The following LMX1B variants were observed in gnomAD, a reference collection of about 807,000 sequenced individuals.
LMX1B encodes LIM homeobox transcription factor 1-beta.
A neutral mutation model predicts 51.4 loss-of-function variants in LMX1B; 12 were observed. The observed-to-expected ratio is 0.23, with a 90% CI of 0.15 to 0.38. LMX1B has a LOEUF of 0.38. Ranked by LOEUF, LMX1B falls within the 10% of genes least tolerant of loss-of-function variation. LMX1B has a pLI of 1.00. For synonymous variants in LMX1B, 237 were observed against 235.4 expected (o/e 1.01, Z -0.06); for missense variants, 445 against 571.1 (o/e 0.78, Z 2.25).
At chr9:126,690,786 T>C in intron 2 of LMX1B, 50 bp from the exon 3 acceptor site, 1 of 1,518,768 alleles carries the variant, frequency 6.6e-7, no homozygotes, top group Non-Finnish European at 8.9e-7. Flanking sequence ...GAGTGGCCTC[T>C]GGGAGGGACT....
chr9:126,636,654 T>TCAA, intron 2 of LMX1B, among the ~76,000 whole-genome samples: 3 of 151,910 alleles, frequency 2.0e-5, no homozygotes, highest in Admixed American at 2.0e-4. Context: ...TGTTCAAGTG[T>TCAA]GTGCACCCTA....
chr9:126,695,827 C>A lies in LMX1B; in HGVS notation c.887-12C>A. ...GACCAGGCCAGGGGGTGAAGGCTCA[C>A]TGTGCCCCCAGAGGTCCTGTCCAGC... On this transcript the variant is annotated splice_polypyrimidine_tract_variant and intron_variant, in intron 6 of 7. Transcript: ENST00000373474. This position sits in a 1 kb window ranked among gnomAD's most constrained non-coding sequence, Gnocchi z 5.2. 1 of 1,612,290 alleles carries A rather than the reference C, an allele frequency of 6.2e-7. No individual in the cohort carries two copies. The highest frequency in any genetic ancestry group is 1.7e-5 in the Admixed American group (1 of 59,940).
Position 126,625,417 on chromosome 9 carries a change from C to G in LMX1B, c.326+9848C>G, listed in dbSNP as rs1041511832. ...CGAGAGCACGGGTCCTGCTCTGTCC[C>G]CTCTTCCCAGGAAAGGTGGCACTCC... On this transcript the variant is annotated intron_variant, in intron 2 of 7. Transcript: ENST00000373474. This position sits in a 1 kb window ranked among gnomAD's most constrained non-coding sequence, Gnocchi z 5.3. Among the ~76,000 whole-genome samples the G allele has an allele frequency of 1.1e-4, 16 of 152,216 alleles. No homozygotes were observed. The highest frequency in any genetic ancestry group is 3.9e-4 in the African/African-American group (16 of 41,458).
At chr9:126,624,608 C>T (rs1024869959) in intron 2 of LMX1B, among the ~76,000 whole-genome samples, 2 of 152,084 alleles carry the variant, frequency 1.3e-5, no homozygotes, top group Non-Finnish European at 2.9e-5. Flanking sequence ...CCGACCCCAG[C>T]CCCCTCCCTC....
At chr9:126,665,603 G>T (rs1228018341) in intron 2 of LMX1B, among the ~76,000 whole-genome samples, 1 of 152,218 alleles carries the variant, frequency 6.6e-6, no homozygotes, top group African/African-American at 2.4e-5. Flanking sequence ...TGGGCTGCAG[G>T]GGCGGGGTTG....
At chr9:126,665,145 G>A (rs1203158711) in intron 2 of LMX1B, among the ~76,000 whole-genome samples, 2 of 152,316 alleles carry the variant, frequency 1.3e-5, no homozygotes, top group Non-Finnish European at 2.9e-5. Context: ...GGTGGAGGTG[G>A]GGTGTTCCTC....
At chr9:126,642,867 C>T (rs1564152592) in intron 2 of LMX1B, among the ~76,000 whole-genome samples, 1 of 152,308 alleles carries the variant, frequency 6.6e-6, no homozygotes, top group African/African-American at 2.4e-5. Flanking sequence ...GGACAGGGAC[C>T]CCGTCCAGGG....
At chr9:126,686,010 A>G (rs773507697) in intron 2 of LMX1B, among the ~76,000 whole-genome samples, 6 of 152,148 alleles carry the variant, frequency 3.9e-5, no homozygotes, top group Non-Finnish European at 7.3e-5. Context: ...TAGGAAGCCA[A>G]TGTTACTGGA....
In LMX1B at chr9:126,626,815, G is replaced by T. The variant is rs933071296; in HGVS notation, c.326+11246G>T. ...CCGCGGCGGTGATTTGTGTGCGGGGGTCTGTGACCCTGCAAGCATCAAACG... is the reference window on the plus strand; with the variant it reads ...CCGCGGCGGTGATTTGTGTGCGGGGTTCTGTGACCCTGCAAGCATCAAACG... On this transcript the variant is annotated intron_variant, in intron 2 of 7. Transcript: ENST00000373474. The surrounding 1 kb of genome is among the most constrained non-coding windows in gnomAD (Gnocchi z 4.3). Among the ~76,000 whole-genome samples, 14 of 152,294 alleles carry T rather than the reference G, an allele frequency of 9.2e-5. No individual in the cohort carries two copies. Among genetic ancestry groups the T allele is most frequent in the Non-Finnish European group, 1.9e-4 (13 of 68,020 alleles).
At chr9:126,654,998 GGTCTGTTGCTTCCTGTT>G (rs1401500099) in intron 2 of LMX1B, among the ~76,000 whole-genome samples, 5 of 152,316 alleles carry the variant, frequency 3.3e-5, no homozygotes, top group Admixed American at 2.6e-4. Context: ...CCCAGTCCTG[GGTCTGTTGCTTCCTGTT>G]GTGACCTGGG....
rs1240754315 is a variant in LMX1B, at chr9:126,618,692, G to C, written c.326+3123G>C. 6.6e-6 allele frequency among the ~76,000 whole-genome samples: 1 copy of C among 152,128 alleles called. No homozygotes were observed. Among genetic ancestry groups the C allele is most frequent in the Non-Finnish European group, 1.5e-5 (1 of 68,018 alleles). ...TCCCATGTTTTTATCTTGGCGGCTT[G>C]GCCGAATAGAATTATGTAACTCTCT... On this transcript the variant is annotated intron_variant, in intron 2 of 7. Coordinates refer to ENST00000373474, the MANE Select transcript of LMX1B (RefSeq NM_001174147.2). This position sits in a 1 kb window ranked among gnomAD's most constrained non-coding sequence, Gnocchi z 4.5.
rs2030289648 is a variant in LMX1B, at chr9:126,695,395, C to T, written c.887-444C>T. On this transcript the variant is annotated intron_variant, in intron 6 of 7. Transcript: ENST00000373474. This position sits in a 1 kb window ranked among gnomAD's most constrained non-coding sequence, Gnocchi z 5.2. ...GCGGTCTGTCTCCTCCATGCCTTTGCCGCCCCTCAGCCTGGCTTGCCTCCC... is the reference window on the plus strand; with the variant it reads ...GCGGTCTGTCTCCTCCATGCCTTTGTCGCCCCTCAGCCTGGCTTGCCTCCC... Among the ~76,000 whole-genome samples the T allele has an allele frequency of 2.0e-5, 3 of 152,196 alleles. No individual in the cohort carries two copies. Among genetic ancestry groups the T allele is most frequent in the Admixed American group, 2.0e-4 (3 of 15,288 alleles).
At chr9:126,682,620 T>C (rs2118969858) in intron 2 of LMX1B, among the ~76,000 whole-genome samples, 1 of 152,170 alleles carries the variant, frequency 6.6e-6, no homozygotes, top group South Asian at 2.1e-4. Flanking sequence ...TGTGGGGCCG[T>C]GTGCGGTGGC....
At chr9:126,670,529 G>A (rs1836430188) in intron 2 of LMX1B, among the ~76,000 whole-genome samples, 1 of 152,234 alleles carries the variant, frequency 6.6e-6, no homozygotes, top group Non-Finnish European at 1.5e-5. Context: ...GGCAGATGCA[G>A]ATGGACAGGT....
chr9:126,647,327 G>A (rs1835921021), intron 2 of LMX1B, among the ~76,000 whole-genome samples: 2 of 152,176 alleles, frequency 1.3e-5, no homozygotes, highest in Non-Finnish European at 2.9e-5. Context: ...CCCTTAGAAG[G>A]TGGAATAACT....
At chr9:126,683,192 G>A (rs1415414615) in intron 2 of LMX1B, among the ~76,000 whole-genome samples, 1 of 150,980 alleles carries the variant, frequency 6.6e-6, no homozygotes, top group Non-Finnish European at 1.5e-5. Context: ...GGGGAGGCCG[G>A]GAGGCTGGGA....
chr9:126,690,600 C>A (rs912900527), intron 2 of LMX1B, among the ~76,000 whole-genome samples: 3 of 152,202 alleles, frequency 2.0e-5, no homozygotes, highest in Admixed American at 2.0e-4. Context: ...CTGCCACGCC[C>A]GGGACAGGTG....
At chr9:126,619,578 G>A (rs1318871846) in intron 2 of LMX1B, among the ~76,000 whole-genome samples, 1 of 152,238 alleles carries the variant, frequency 6.6e-6, no homozygotes, top group African/African-American at 2.4e-5. Flanking sequence ...GTCTCTGGGG[G>A]CTGAGGCCCA....
rs1157031130 is a variant in LMX1B at position 126,671,605 on chromosome 9, G to C, written c.327-19231G>C. 6.6e-6 allele frequency among the ~76,000 whole-genome samples: 1 copy of C among 152,232 alleles called. No individual in the cohort carries two copies. On this transcript the variant is annotated intron_variant, in intron 2 of 7. Transcript: ENST00000373474. This position sits in a 1 kb window ranked among gnomAD's most constrained non-coding sequence, Gnocchi z 4.4. ...CACCCCAGACGGGGCACTGCTCCAG[G>C]CCGGCTCTGGCTCTCTAATCCTGTA...
Sources: gnomAD v4.1 joint callset for allele counts (sites outside exome capture counted in the v4.1 genomes callset) on GRCh38, gnomAD v4.1.1 for gene constraint, Gnocchi (gnomAD v3.1) non-coding constraint, MANE v1.5 for transcripts, NCBI Gene and HGNC (gene_info 2026-07-23, HGNC 2026-07-21) for gene names.